The following TES variants were observed in gnomAD, a reference collection of about 807,000 sequenced individuals.
TES encodes testin.
A neutral mutation model predicts 48.2 loss-of-function variants in TES; 41 were observed. The observed-to-expected ratio is 0.85, with a 90% CI of 0.66 to 1.10. The LOEUF (loss-of-function observed/expected upper bound fraction) is 1.10, where lower values mean the gene tolerates loss of function less well. TES is among the 50% of genes least tolerant of loss of function. The pLI, the probability that TES is intolerant of heterozygous loss-of-function variation, is 0.00. For missense variants in TES, 463 were observed against 515.1 expected, an observed-to-expected ratio of 0.90 and a Z score of 0.98; for synonymous variants, 162 against 174.9, an observed-to-expected ratio of 0.93 and a Z score of 0.58.
At position 116,240,465 on chromosome 7, in the gene TES, C is replaced by A. The variant is rs186554546; in HGVS notation, c.113+5846C>A. ...CCAGGCTCGCTCTTTCTCTCTCTCTCACTCCTTCCCTCCCCCTCGCTCCTC... is the reference window on the plus strand; with the variant it reads ...CCAGGCTCGCTCTTTCTCTCTCTCTAACTCCTTCCCTCCCCCTCGCTCCTC... On this transcript the variant is annotated intron_variant, in intron 2 of 6. Coordinates refer to ENST00000358204, the MANE Select transcript of TES (RefSeq NM_015641.4). Among the ~76,000 whole-genome samples, 4 of 152,122 alleles carry A rather than the reference C, an allele frequency of 2.6e-5. No homozygotes were observed. In the East Asian group the frequency reaches 7.7e-4, roughly 29 times the overall value.
intron 2 of TES, among the ~76,000 whole-genome samples, chr7:116,236,654 A>AT (rs542296200): frequency 1.1e-3 from 160 of 152,272 alleles, no homozygotes; most frequent in Non-Finnish European, 1.7e-3. Flanking sequence ...CGCTCGTGAG[A>AT]TTTTAAAGCT....
rs1800143710 is a variant in TES, at chr7:116,258,772, C to CT, written c.*1293dup. On this transcript the variant is annotated 3_prime_UTR_variant, in exon 7 of 7. Coordinates refer to ENST00000358204, the MANE Select transcript of TES (RefSeq NM_015641.4). ...ATGTATATTACTCAAAATAAAGTTT[C>CT]TTTCACTTTAATAATCATTGTATCT... 1 of 152,528 alleles carries CT rather than the reference C, an allele frequency of 6.6e-6. No homozygotes were observed. The highest frequency in any genetic ancestry group is 1.5e-5 in the Non-Finnish European group (1 of 68,028). 9.4% of individuals were successfully genotyped at this position (152,528 alleles called of 1,614,324 possible).
intron 1 of TES, among the ~76,000 whole-genome samples, chr7:116,229,018 ATATATATATATAT>A (rs1799661825): frequency 7.3e-6 from 1 of 136,148 alleles, no homozygotes; most frequent in Non-Finnish European, 1.6e-5. Flanking sequence ...ATATATATAT[ATATATATATATAT>A]ATAATCATTT....
At chr7:116,243,504 C>G (rs1447326950) in intron 2 of TES, among the ~76,000 whole-genome samples, 1 of 151,994 alleles carries the variant, frequency 6.6e-6, no homozygotes, top group Non-Finnish European at 1.5e-5. Flanking sequence ...TATATTGTTC[C>G]CTGACCACCA....
chr7:116,216,132 G>T (rs1158108049), intron 1 of TES, among the ~76,000 whole-genome samples: 2 of 152,160 alleles, frequency 1.3e-5, no homozygotes, highest in Non-Finnish European at 2.9e-5. Flanking sequence ...AGTGGAAAGA[G>T]AGTGATAAAT....
chr7:116,224,710 T>G (rs1799601126), intron 1 of TES, among the ~76,000 whole-genome samples: 1 of 152,174 alleles, frequency 6.6e-6, no homozygotes, highest in Non-Finnish European at 1.5e-5. Flanking sequence ...GACATTCAGC[T>G]TCCTCATAAT....
At chr7:116,228,008 G>T (rs201135933) in intron 1 of TES, among the ~76,000 whole-genome samples, 182 of 122,824 alleles carry the variant, frequency 1.5e-3, no homozygotes, top group Non-Finnish European at 1.9e-3. Flanking sequence ...TCTTTTTTTT[G>T]TTTTTTTTTT....
chr7:116,222,164 C>T (rs1799564719), intron 1 of TES, among the ~76,000 whole-genome samples: 1 of 152,132 alleles, frequency 6.6e-6, no homozygotes, highest in African/African-American at 2.4e-5. Context: ...AGGGTTCTTA[C>T]ATCTCTCCCT....
intron 1 of TES, among the ~76,000 whole-genome samples, chr7:116,232,290 A>G (rs1799709899): frequency 6.6e-6 from 1 of 152,214 alleles, no homozygotes; most frequent in South Asian, 2.1e-4. Flanking sequence ...TTATACACAC[A>G]TGTAAGTTTG....
At chr7:116,256,728 C>A (rs1336709628) in intron 6 of TES, among the ~76,000 whole-genome samples, 2 of 152,152 alleles carry the variant, frequency 1.3e-5, no homozygotes, top group Non-Finnish European at 2.9e-5. Context: ...TATGACTGAT[C>A]TTATGACAGA....
intron 2 of TES, among the ~76,000 whole-genome samples, chr7:116,244,414 A>T (rs1378732358): frequency 6.6e-6 from 1 of 152,224 alleles, no homozygotes; most frequent in African/African-American, 2.4e-5. Flanking sequence ...CCTATGGGAG[A>T]TCAAAATCCA....
At position 116,218,697 on chromosome 7, in the gene TES, A is replaced by AT. The variant is rs869282451; in HGVS notation, c.27+7972dup. Among the ~76,000 whole-genome samples, 17 of 151,872 alleles carry AT rather than the reference A, an allele frequency of 1.1e-4. No individual in the cohort carries two copies. In the South Asian group the frequency reaches 2.1e-3, roughly 19 times the overall value. ...AAAATACCGATGTCACCTTTGATAG[A>AT]TTTTTTTTTAAAAAAGGAAGGAAGA... On this transcript the variant is annotated intron_variant, in intron 1 of 6. Transcript: ENST00000358204.
At chr7:116,229,033 T>TATATATATATATATATATATATATA (rs1417517023) in intron 1 of TES, among the ~76,000 whole-genome samples, 9 of 115,486 alleles carry the variant, frequency 7.8e-5, no homozygotes, top group South Asian at 2.7e-4. Flanking sequence ...TATATATATA[T>TATATATATATATATATATATATATA]AATCATTTCC....
At chr7:116,249,855 C>T (rs1042802381) in intron 3 of TES, 6 of 227,202 alleles carry the variant, frequency 2.6e-5, no homozygotes, top group Non-Finnish European at 5.1e-5. Flanking sequence ...AACATGTCTG[C>T]CTAAAAGTTT....
intron 2 of TES, among the ~76,000 whole-genome samples, chr7:116,245,803 C>T (rs1038623586): frequency 9.9e-5 from 15 of 152,166 alleles, no homozygotes; most frequent in Admixed American, 2.6e-4. Flanking sequence ...AATTGACTTA[C>T]AGTTCAGCAT....
intron 1 of TES, among the ~76,000 whole-genome samples, chr7:116,226,526 T>G (rs138986372): frequency 1.1e-3 from 168 of 152,266 alleles, no homozygotes; most frequent in Middle Eastern, 6.8e-3. Context: ...GCGCCAGGCT[T>G]TAAAGGATCT....
chr7:116,217,265 A>G (rs1234882417), intron 1 of TES, among the ~76,000 whole-genome samples: 1 of 152,180 alleles, frequency 6.6e-6, no homozygotes, highest in Non-Finnish European at 1.5e-5. Flanking sequence ...GTCTTAAGTA[A>G]TAGCAAATGT....
At chr7:116,237,480 T>G (rs929431673) in intron 2 of TES, among the ~76,000 whole-genome samples, 1 of 152,108 alleles carries the variant, frequency 6.6e-6, no homozygotes, top group African/African-American at 2.4e-5. Flanking sequence ...CCTCTTCCAC[T>G]TCCCTTCCAA....
intron 1 of TES, among the ~76,000 whole-genome samples, chr7:116,211,750 T>C (rs999145048): frequency 6.6e-6 from 1 of 152,260 alleles, no homozygotes; most frequent in Non-Finnish European, 1.5e-5. Flanking sequence ...TTTTATCTTC[T>C]AAACACAAAG....
Sources: allele counts gnomAD v4.1 joint callset (sites outside exome capture counted in the v4.1 genomes callset), GRCh38; gene constraint gnomAD v4.1.1; transcripts MANE v1.5; gene names NCBI Gene and HGNC (gene_info 2026-07-23, HGNC 2026-07-21).